Variants in PHACTR2 observed in about 807,000 individuals in gnomAD.
The protein encoded by PHACTR2 is phosphatase and actin regulator 2, also known as chromosome 6 open reading frame 56.
Under a neutral mutation model 76.0 loss-of-function variants are expected in PHACTR2, and 30 were observed. The ratio of observed to expected loss-of-function variants is 0.39; its 90% CI spans 0.30 to 0.54. The LOEUF is 0.54. Ranked by LOEUF, PHACTR2 falls within the 20% of genes least tolerant of loss-of-function variation. PHACTR2 has a pLI of 0.61. For synonymous variants in PHACTR2, 292 were observed against 292.5 expected (o/e 1.00, Z 0.02); for missense variants, 696 against 781.1 (o/e 0.89, Z 1.30).
Position 143,539,766 on chromosome 6 carries a change from T to C in PHACTR2, c.217+2559T>C, listed in dbSNP as rs1178761017. 6.6e-6 allele frequency among the ~76,000 whole-genome samples: 1 copy of C among 152,116 alleles called. No homozygotes were observed. Among genetic ancestry groups the C allele is most frequent in the Non-Finnish European group, 1.5e-5 (1 of 68,010 alleles). On this transcript the variant is annotated intron_variant, in intron 1 of 11. Transcript: ENST00000367584. The surrounding 1 kb of genome is among the most constrained non-coding windows in gnomAD (Gnocchi z 4.3). ...CCCACCCTAGGCCTGCTTAACTGAATCTGCATTTTAATAAGATCCCCAGGT... is the reference window on the plus strand; with the variant it reads ...CCCACCCTAGGCCTGCTTAACTGAACCTGCATTTTAATAAGATCCCCAGGT...
chr6:143,738,569 A>G lies in PHACTR2; in HGVS notation c.215-10416A>G, dbSNP rs1778870275. On this transcript the variant is annotated intron_variant, in intron 2 of 12. Transcript: ENST00000440869. The surrounding 1 kb of genome is among the most constrained non-coding windows in gnomAD (Gnocchi z 4.0). ...GCTCACGACCAGCCTGGGCAACATGACAAAACCCCATCTCTTAAAAAAAAT... is the reference window on the plus strand; with the variant it reads ...GCTCACGACCAGCCTGGGCAACATGGCAAAACCCCATCTCTTAAAAAAAAT... Among the ~76,000 whole-genome samples the G allele has an allele frequency of 6.6e-6, 1 of 151,742 alleles. No homozygotes were observed. Among genetic ancestry groups the G allele is most frequent in the South Asian group, 2.1e-4 (1 of 4,794 alleles).
chr6:143,712,543 T>A (rs75055882), intron 2 of PHACTR2, among the ~76,000 whole-genome samples: 4 of 144,758 alleles, frequency 2.8e-5, no homozygotes, highest in South Asian at 2.2e-4. Flanking sequence ...TGTTATATAT[T>A]TAGTTAGACT....
intron 2 of PHACTR2, among the ~76,000 whole-genome samples, chr6:143,718,078 A>G (rs1228852300): frequency 6.6e-6 from 1 of 152,222 alleles, no homozygotes; most frequent in East Asian, 1.9e-4. Flanking sequence ...CTTATCTTCA[A>G]TAAAATGGAG....
Position 143,558,223 on chromosome 6 carries a change from T to C in PHACTR2, c.217+21016T>C, listed in dbSNP as rs1439051516. On this transcript the variant is annotated intron_variant, in intron 1 of 11. Coordinates refer to the PHACTR2 transcript ENST00000367584. The surrounding 1 kb of genome is among the most constrained non-coding windows in gnomAD (Gnocchi z 4.7). ...TTATTCAAAGTGTAAGAAAAAAAAGTTATCCTGGATATATTTGATGATATT... is the reference window on the plus strand; with the variant it reads ...TTATTCAAAGTGTAAGAAAAAAAAGCTATCCTGGATATATTTGATGATATT... 1 of 152,198 alleles carries C rather than the reference T, an allele frequency of 6.6e-6. No individual in the cohort carries two copies. The highest frequency in any genetic ancestry group is 1.5e-5 in the Non-Finnish European group (1 of 68,032). 9.4% of individuals were successfully genotyped at this position (152,198 alleles called of 1,614,324 possible). A position where few individuals can be genotyped will look rare whatever the true frequency, so the allele number is the denominator to read the frequency against.
Position 143,772,316 on chromosome 6 carries a change from A to G in PHACTR2, c.1291A>G (p.Met431Val). The G allele has an allele frequency of 1.2e-6, 2 of 1,614,094 alleles. No homozygotes were observed. The highest frequency in any genetic ancestry group is 1.7e-6 in the Non-Finnish European group (2 of 1,179,948). The change falls in exon 7 of 13, where the codon ATG (methionine) becomes GTG (valine). Residue 431 changes from methionine to valine, a missense_variant. Physicochemically the swap from Met to Val is conservative, Grantham distance 21. Around this residue, in one of 2 missense-constraint regions of PHACTR2, gnomAD observed 236 missense variants for 330.2 expected, o/e 0.71. Transcript: ENST00000440869. The surrounding 1 kb of genome is among the most constrained non-coding windows in gnomAD (Gnocchi z 5.4). Reference protein sequence around the residue: ...TVPQLLTPGLMGESSESFSAS... With the variant: ...TVPQLLTPGLVGESSESFSAS... ...GCCTCAGCTACTGACTCCTGGGCTG[A>G]TGGGCGAATCTTCAGAATCCTTTAG...
chr6:143,633,741 T>C lies in PHACTR2; in HGVS notation c.13+25419T>C, dbSNP rs935987538. 5.3e-5 allele frequency among the ~76,000 whole-genome samples: 8 copies of C among 152,214 alleles called. No homozygotes were observed. Among genetic ancestry groups the C allele is most frequent in the African/African-American group, 1.9e-4 (8 of 41,456 alleles). On this transcript the variant is annotated intron_variant, in intron 1 of 11. Transcript: ENST00000305766. The surrounding 1 kb of genome is among the most constrained non-coding windows in gnomAD (Gnocchi z 4.1). ...CATACTGAAGGTCACCTAGATTTTC[T>C]CCTACGTTATCTTCTGGGAATTCTG...
Position 143,608,319 on chromosome 6 carries a change from G to A in PHACTR2, c.10G>A (p.Ala4Thr), listed in dbSNP as rs371864348. The A allele has an allele frequency of 5.0e-6, 8 of 1,614,106 alleles. No individual in the cohort carries two copies. The highest frequency in any genetic ancestry group is 4.5e-5 in the East Asian group (2 of 44,894). ...TCGCCACTCCTGAGACATGGACAAC[G>A]CCGGTGGGTAAATCAAGCATGAATT... Residue 4 changes from alanine (A) to threonine (T), a missense_variant, in exon 1 of 12, where the codon GCC (alanine) becomes ACC (threonine). Coordinates refer to the PHACTR2 transcript ENST00000305766. The surrounding 1 kb of genome is among the most constrained non-coding windows in gnomAD (Gnocchi z 4.6).
Position 143,592,451 on chromosome 6 carries a change from T to G in PHACTR2, c.217+55244T>G, listed in dbSNP as rs1775701955. Among the ~76,000 whole-genome samples the G allele has an allele frequency of 6.6e-6, 1 of 152,120 alleles. No individual in the cohort carries two copies. Among genetic ancestry groups the G allele is most frequent in the African/African-American group, 2.4e-5 (1 of 41,414 alleles). On this transcript the variant is annotated intron_variant, in intron 1 of 11. Transcript: ENST00000367584. The surrounding 1 kb of genome is among the most constrained non-coding windows in gnomAD (Gnocchi z 4.0). ...ACTGAGATTTTTCCATCCAAAGCCT[T>G]GGATGGAAATCCTAATTCCAAGATG...
Position 143,683,284 on chromosome 6 carries a change from A to G in PHACTR2, c.46+5075A>G, listed in dbSNP as rs1186996677. Among the ~76,000 whole-genome samples, 1 of 152,260 alleles carries G rather than the reference A, an allele frequency of 6.6e-6. No individual in the cohort carries two copies. The highest frequency in any genetic ancestry group is 1.5e-5 in the Non-Finnish European group (1 of 68,046). On this transcript the variant is annotated intron_variant, in intron 1 of 12. Transcript: ENST00000440869. This position sits in a 1 kb window ranked among gnomAD's most constrained non-coding sequence, Gnocchi z 4.1. ...GATGAATATATGAATGAGTCAACAA[A>G]TAGTCTCAATAAGCAGCCTGACTGC...
chr6:143,602,544 G>A lies in PHACTR2; in HGVS notation c.217+65337G>A, dbSNP rs975122283. Among the ~76,000 whole-genome samples, 3 of 152,192 alleles carry A rather than the reference G, an allele frequency of 2.0e-5. No homozygotes were observed. Among genetic ancestry groups the A allele is most frequent in the African/African-American group, 4.8e-5 (2 of 41,444 alleles). ...CTTGACCTCTGCTTTTGTCCCTTGG[G>A]TACAGCAGGACATTGCAGAAACCTC... is the stretch of plus-strand genomic sequence containing the variant. On this transcript the variant is annotated intron_variant, in intron 1 of 11. Transcript: ENST00000367584. This position sits in a 1 kb window ranked among gnomAD's most constrained non-coding sequence, Gnocchi z 6.1.
chr6:143,711,026 CG>C lies in PHACTR2; in HGVS notation c.47-988del, dbSNP rs1778165452. 4 of 516,558 alleles carry C rather than the reference CG, an allele frequency of 7.7e-6. No homozygotes were observed. The Admixed American group carries it at 7.8e-5, about 10-fold the overall frequency. 32.0% of individuals were successfully genotyped at this position (516,558 alleles called of 1,614,324 possible). A position where few individuals can be genotyped will look rare whatever the true frequency, so the allele number is the denominator to read the frequency against. ...TTAATTAGACTTCACTGTCAGTTTA[CG>C]GTTTTTTAAAGGTAAATTTTACAAA... On this transcript the variant is annotated intron_variant, in intron 1 of 12. Transcript: ENST00000440869.
At chr6:143,569,168 G>C (rs1775409667) in intron 1 of PHACTR2, among the ~76,000 whole-genome samples, 1 of 152,196 alleles carries the variant, frequency 6.6e-6, no homozygotes, top group Non-Finnish European at 1.5e-5. Context: ...TATGTGATTG[G>C]TTCCAGCCAG....
At chr6:143,551,542 A>G (rs1775095446) in intron 1 of PHACTR2, among the ~76,000 whole-genome samples, 1 of 152,154 alleles carries the variant, frequency 6.6e-6, no homozygotes, top group Admixed American at 6.5e-5. Flanking sequence ...GAACAAGATG[A>G]GCTGGGTTTC....
At position 143,765,759 on chromosome 6, in the gene PHACTR2, C is replaced by A; in HGVS notation, c.1193C>A (p.Ser398Ter). The A allele has an allele frequency of 1.2e-6, 2 of 1,614,170 alleles. No homozygotes were observed. The highest frequency in any genetic ancestry group is 1.7e-6 in the Non-Finnish European group (2 of 1,179,998). The part of the protein sequence containing the change: ...EEPTNRTTLY[S>*]GTGLSVNREN... ...CCGACGAACAGAACCACTCTCTACT[C>A]AGGCACTGGCTTAAGTGTTAACAGA... The change falls in exon 6 of 13, where the codon TCA becomes TAA. Residue 398 changes from serine to a stop codon, truncating the protein, a stop_gained. Transcript: ENST00000440869. LOFTEE classifies it high-confidence loss of function. The surrounding 1 kb of genome is among the most constrained non-coding windows in gnomAD (Gnocchi z 4.1).
chr6:143,741,308 C>T (rs1010601445), intron 2 of PHACTR2, among the ~76,000 whole-genome samples: 1 of 152,064 alleles, frequency 6.6e-6, no homozygotes, highest in African/African-American at 2.4e-5. Context: ...GCCTGGCCAA[C>T]ATGGCCAAAC....
chr6:143,747,556 G>T (rs1374915631), intron 2 of PHACTR2, among the ~76,000 whole-genome samples: 1 of 152,160 alleles, frequency 6.6e-6, no homozygotes, highest in Non-Finnish European at 1.5e-5. Flanking sequence ...CTTTAGTTTA[G>T]TTGAAACGAT....
At position 143,764,760 on chromosome 6, in the gene PHACTR2, T is replaced by C. The variant is rs924641051; in HGVS notation, c.695-501T>C. Among the ~76,000 whole-genome samples, 1 of 152,200 alleles carries C rather than the reference T, an allele frequency of 6.6e-6. No homozygotes were observed. Among genetic ancestry groups the C allele is most frequent in the South Asian group, 2.1e-4 (1 of 4,828 alleles). On this transcript the variant is annotated intron_variant, in intron 5 of 12. Transcript: ENST00000440869. This position sits in a 1 kb window ranked among gnomAD's most constrained non-coding sequence, Gnocchi z 4.7. ...GCAGTAAGATGAGTGATTTTGTTTT[T>C]GACCCAGAAAGAAGCTGGATATATA... is the stretch of plus-strand genomic sequence containing the variant.
intron 1 of PHACTR2, among the ~76,000 whole-genome samples, chr6:143,681,454 T>C (rs1777386851): frequency 6.6e-6 from 1 of 152,176 alleles, no homozygotes; most frequent in African/African-American, 2.4e-5. Context: ...ATTTGACTTC[T>C]GTTGGAGTTT....
At chr6:143,609,394 A>C (rs1403110231) in intron 1 of PHACTR2, among the ~76,000 whole-genome samples, 1 of 145,378 alleles carries the variant, frequency 6.9e-6, no homozygotes, top group Non-Finnish European at 1.5e-5. Flanking sequence ...TATTGAAATA[A>C]AGTGGAACAG....
Sources: gnomAD v4.1 joint callset for allele counts (sites outside exome capture counted in the v4.1 genomes callset) on GRCh38, gnomAD v4.1.1 for gene constraint, gnomAD v4.1.1 regional missense constraint, Gnocchi (gnomAD v3.1) non-coding constraint, MANE v1.5 for transcripts, NCBI Gene and HGNC (gene_info 2026-07-23, HGNC 2026-07-21) for gene names.